Variants in CPA6 observed in about 807,000 individuals in gnomAD.
CPA6 encodes carboxypeptidase B.
CPA6 carries 58 observed loss-of-function variants against 63.3 expected under a neutral mutation model. The ratio of observed to expected loss-of-function variants is 0.92; its 90% CI spans 0.74 to 1.14. The LOEUF is 1.14. Among genes scored for constraint, CPA6 ranks in the 50% most tolerant of loss-of-function variants. CPA6 has a pLI of 0.00. For missense variants in CPA6, 565 were observed against 526.6 expected (o/e 1.07, Z -0.71); for synonymous variants, 185 against 179.0 (o/e 1.03, Z -0.27).
chr8:67,457,528 A>G (rs1210338181), intron 8 of CPA6, among the ~76,000 whole-genome samples: 1 of 151,916 alleles, frequency 6.6e-6, no homozygotes, highest in African/African-American at 2.4e-5. Flanking sequence ...CTACCTTTCC[A>G]GTGCCTTCTT....
intron 1 of CPA6, chr8:67,735,311 TGACA>T (rs1817791302): frequency 6.6e-6 from 1 of 152,190 alleles, no homozygotes; most frequent in South Asian, 2.1e-4. Context: ...GGATAAGAAA[TGACA>T]GTCAGGATGT....
At chr8:67,475,808 TCTTTCTTTC>T (rs1563967471) in intron 8 of CPA6, among the ~76,000 whole-genome samples, 4 of 73,808 alleles carry the variant, frequency 5.4e-5, no homozygotes, top group African/African-American at 2.5e-4. Flanking sequence ...TTTCTTTCTT[TCTTTCTTTC>T]CTTTCTTTTC....
At chr8:67,488,769 A>T (rs1410171942) in intron 6 of CPA6, among the ~76,000 whole-genome samples, 2 of 152,122 alleles carry the variant, frequency 1.3e-5, no homozygotes, top group African/African-American at 4.8e-5. Flanking sequence ...GGTCCTTCAC[A>T]TCCCTTGTGA....
chr8:67,713,276 G>C (rs371207237), intron 1 of CPA6, among the ~76,000 whole-genome samples: 2 of 150,750 alleles, frequency 1.3e-5, no homozygotes, highest in East Asian at 3.9e-4. Context: ...GACCACAGTC[G>C]ATCTCAGGTA....
intron 2 of CPA6, among the ~76,000 whole-genome samples, chr8:67,553,101 C>A (rs1047674198): frequency 2.0e-5 from 3 of 152,114 alleles, no homozygotes; most frequent in Non-Finnish European, 2.9e-5. Flanking sequence ...CATATGTTAT[C>A]AAATTGACTA....
chr8:67,573,403 T>C (rs1378307032), intron 2 of CPA6, among the ~76,000 whole-genome samples: 2 of 152,322 alleles, frequency 1.3e-5, no homozygotes, highest in East Asian at 3.9e-4. Flanking sequence ...CTGTTAGAAC[T>C]GATATACAAA....
At chr8:67,650,678 A>G (rs2128991300) in intron 1 of CPA6, among the ~76,000 whole-genome samples, 1 of 152,238 alleles carries the variant, frequency 6.6e-6, no homozygotes, top group South Asian at 2.1e-4. Context: ...GATACACCTT[A>G]AAAATTCATG....
At position 67,511,611 on chromosome 8, in the gene CPA6, C is replaced by G; in HGVS notation, c.362G>C (p.Ser121Thr). Residue 121 changes from serine to threonine, a missense_variant, in exon 4 of 11, where the codon AGC becomes ACC. Physicochemically the swap from Ser to Thr is moderately conservative, Grantham distance 58. Coordinates refer to ENST00000297770, the MANE Select transcript of CPA6 (RefSeq NM_020361.5). ...TCTTCGGTTTCTCTGGGTGTGCAAG[C>G]TGCTTCCCTTCTCCAGTGTTTTCTG... ...DLQKTLEKGS[S>T]LHTQRNRRSL... is the part of the protein sequence containing the mutation. 1.2e-6 allele frequency: 2 copies of G among 1,612,692 alleles called. No homozygotes were observed. Among genetic ancestry groups the G allele is most frequent in the Non-Finnish European group, 1.7e-6 (2 of 1,178,806 alleles).
chr8:67,718,812 A>G (rs184348752), intron 1 of CPA6, among the ~76,000 whole-genome samples: 20 of 151,980 alleles, frequency 1.3e-4, no homozygotes, highest in African/African-American at 4.8e-4. Flanking sequence ...ACACCCAGCT[A>G]ATTTTTGTAT....
intron 1 of CPA6, among the ~76,000 whole-genome samples, chr8:67,713,963 T>C (rs35483292): frequency 0.036 from 5,538 of 152,296 alleles, 151 homozygotes; most frequent in Middle Eastern, 0.088. Context: ...AAGCCAGATA[T>C]ATATGAATTT....
intron 1 of CPA6, among the ~76,000 whole-genome samples, chr8:67,673,988 A>G (rs1816412846): frequency 6.6e-6 from 1 of 152,224 alleles, no homozygotes; most frequent in African/African-American, 2.4e-5. Context: ...GCTACCATTT[A>G]TTGAACATTT....
intron 6 of CPA6, among the ~76,000 whole-genome samples, chr8:67,501,370 C>T (rs907785935): frequency 2.6e-5 from 4 of 151,958 alleles, no homozygotes; most frequent in African/African-American, 9.7e-5. Flanking sequence ...GTGTTCATTG[C>T]TATTATGTAT....
At chr8:67,515,207 A>G (rs1003110685) in intron 3 of CPA6, among the ~76,000 whole-genome samples, 5 of 152,104 alleles carry the variant, frequency 3.3e-5, no homozygotes, top group African/African-American at 9.6e-5. Flanking sequence ...ATGCCTTTCA[A>G]CCCCCAAATC....
At chr8:67,659,151 C>T (rs973179693) in intron 1 of CPA6, among the ~76,000 whole-genome samples, 3 of 152,190 alleles carry the variant, frequency 2.0e-5, no homozygotes, top group Admixed American at 1.3e-4. Flanking sequence ...TTCTTGTTCC[C>T]CTCCCACTGC....
At chr8:67,472,412 C>CTTATTTTATT (rs76537277) in intron 8 of CPA6, among the ~76,000 whole-genome samples, 226 of 57,768 alleles carry the variant, frequency 3.9e-3, no homozygotes, top group Middle Eastern at 0.011. Flanking sequence ...TTTATCTTAT[C>CTTATTTTATT]TTATTTTATT....
intron 6 of CPA6, among the ~76,000 whole-genome samples, chr8:67,495,689 T>C (rs1370080940): frequency 1.3e-5 from 2 of 152,138 alleles, no homozygotes; most frequent in South Asian, 2.1e-4. Flanking sequence ...GTTTTCTTTT[T>C]CTTTTTCTCT....
At chr8:67,638,446 A>C (rs1815518703) in intron 1 of CPA6, among the ~76,000 whole-genome samples, 1 of 151,524 alleles carries the variant, frequency 6.6e-6, no homozygotes, top group Non-Finnish European at 1.5e-5. Context: ...CAAAACCTCC[A>C]AACTAAGGAT....
chr8:67,542,179 C>G (rs1044600263), intron 2 of CPA6, among the ~76,000 whole-genome samples: 1 of 152,248 alleles, frequency 6.6e-6, no homozygotes, highest in Non-Finnish European at 1.5e-5. Context: ...ACCTTTTTAA[C>G]AAGTCCACTA....
chr8:67,559,081 AGGGCACTAGTGTTT>A (rs779567430), intron 2 of CPA6, among the ~76,000 whole-genome samples: 92 of 152,198 alleles, frequency 6.0e-4, no homozygotes, highest in Admixed American at 1.9e-3. Context: ...TTACAGTGTC[AGGGCACTAGTGTTT>A]GGGGTCTTGT....
Sources: gnomAD v4.1 joint callset for allele counts (sites outside exome capture counted in the v4.1 genomes callset) on GRCh38, gnomAD v4.1.1 for gene constraint, MANE v1.5 for transcripts, NCBI Gene and HGNC (gene_info 2026-07-23, HGNC 2026-07-21) for gene names.